The following PTPRG variants were observed in gnomAD, a reference collection of about 807,000 sequenced individuals.
The protein encoded by PTPRG is protein tyrosine phosphatase receptor type G.
PTPRG carries 102 observed loss-of-function variants against 165.3 expected under a neutral mutation model. The observed-to-expected ratio is 0.62, with a 90% confidence interval of 0.53 to 0.73. PTPRG has a LOEUF of 0.73. Among genes scored for constraint, PTPRG ranks in the 30% least tolerant of loss-of-function variants. The probability of loss-of-function intolerance (pLI) is 0.00; values close to 1 mark genes in which losing one functional copy is unlikely to be tolerated. For missense variants in PTPRG, 1,866 were observed against 1,861.4 expected (o/e 1.00, Z -0.05); for synonymous variants, 675 against 669.5 (o/e 1.01, Z -0.13).
chr3:61,823,956 C>G (rs1428419246), intron 2 of PTPRG, among the ~76,000 whole-genome samples: 1 of 152,110 alleles, frequency 6.6e-6, no homozygotes, highest in Non-Finnish European at 1.5e-5. Context: ...GAAACCCCGT[C>G]TCTACTAAAT....
chr3:62,172,146 T>C (rs1267911655), intron 8 of PTPRG, among the ~76,000 whole-genome samples: 1 of 152,230 alleles, frequency 6.6e-6, no homozygotes, highest in African/African-American at 2.4e-5. Context: ...TATCCATTTA[T>C]CAGTTAATGG....
intron 2 of PTPRG, among the ~76,000 whole-genome samples, chr3:61,916,770 A>G (rs1356290954): frequency 1.3e-5 from 2 of 152,230 alleles, no homozygotes; most frequent in African/African-American, 4.8e-5. Context: ...AAATGAAGAC[A>G]CTGAGGTATA....
chr3:61,974,234 T>TA (rs998258492), intron 2 of PTPRG, among the ~76,000 whole-genome samples: 2 of 152,126 alleles, frequency 1.3e-5, no homozygotes, highest in Non-Finnish European at 2.9e-5. Flanking sequence ...CATGGAACTT[T>TA]TTTTGTACCA....
intron 5 of PTPRG, among the ~76,000 whole-genome samples, chr3:62,086,151 T>C (rs1201706041): frequency 1.3e-5 from 2 of 152,210 alleles, no homozygotes; most frequent in African/African-American, 2.4e-5. Context: ...AACACCACTA[T>C]TAAAGTATAA....
chr3:62,224,083 G>A lies in PTPRG; in HGVS notation c.2288+5100G>A, dbSNP rs1700709282. Among the ~76,000 whole-genome samples the A allele has an allele frequency of 6.6e-6, 1 of 152,146 alleles. No individual in the cohort carries two copies. On this transcript the variant is annotated intron_variant, in intron 13 of 29. Coordinates refer to ENST00000474889, the MANE Select transcript of PTPRG (RefSeq NM_002841.4). The surrounding 1 kb of genome is among the most constrained non-coding windows in gnomAD (Gnocchi z 4.9). ...GGTGACTATAATGTTAATGAAATTG[G>A]TTTGGGTGATGCTCCTAATAGGCCT...
Position 62,035,884 on chromosome 3 carries a change from G to C in PTPRG, c.519+32387G>C, listed in dbSNP as rs541962653. The stretch of plus-strand genomic sequence containing the variant: ...AATACCTAAGCCTTACATGGTTGTA[G>C]GCCTATGTCCAGCAATTGGTGGGAG... On this transcript the variant is annotated intron_variant, in intron 4 of 29. Transcript: ENST00000474889. Among the ~76,000 whole-genome samples the C allele has an allele frequency of 8.1e-4, 123 of 152,242 alleles. 1 individual carries two copies. Among genetic ancestry groups the C allele is most frequent in the African/African-American group, 2.9e-3 (119 of 41,532 alleles).
chr3:61,648,072 T>C (rs1702252919), intron 1 of PTPRG, among the ~76,000 whole-genome samples: 1 of 152,192 alleles, frequency 6.6e-6, no homozygotes. Context: ...TCATGATAAG[T>C]GGAGGCTTCA....
chr3:62,146,037 G>C (rs138070598), intron 6 of PTPRG, among the ~76,000 whole-genome samples: 3 of 152,278 alleles, frequency 2.0e-5, no homozygotes, highest in East Asian at 1.9e-4. Context: ...TGTACACGTC[G>C]TGTCAGTTAT....
rs183537848 is a variant in PTPRG, at chr3:62,275,122, A to C, written c.3466-751A>C. ...TCCATTAGGATGGATGCCAGCCCCC[A>C]AAAAATAGGATTGACAAAATGGTTC... On this transcript the variant is annotated intron_variant, in intron 23 of 29. Coordinates refer to ENST00000474889, the MANE Select transcript of PTPRG (RefSeq NM_002841.4). 5.3e-3 allele frequency among the ~76,000 whole-genome samples: 801 copies of C among 152,242 alleles called. 5 individuals carry two copies. Among genetic ancestry groups the C allele is most frequent in the Middle Eastern group, 0.01 (3 of 294 alleles).
chr3:62,050,190 C>G (rs1438966730), intron 4 of PTPRG, among the ~76,000 whole-genome samples: 1 of 152,172 alleles, frequency 6.6e-6, no homozygotes, highest in Non-Finnish European at 1.5e-5. Context: ...CAGTTACACA[C>G]CACATAACAA....
intron 2 of PTPRG, among the ~76,000 whole-genome samples, chr3:61,867,365 G>T (rs772289365): frequency 2.6e-5 from 4 of 152,096 alleles, no homozygotes; most frequent in Non-Finnish European, 5.9e-5. Flanking sequence ...GGAGGTACCC[G>T]CTGGGTAACT....
At chr3:62,116,135 C>G (rs962642424) in intron 5 of PTPRG, among the ~76,000 whole-genome samples, 5 of 152,112 alleles carry the variant, frequency 3.3e-5, no homozygotes, top group African/African-American at 1.2e-4. Flanking sequence ...ACCAGCTAAC[C>G]AGAGCCCAGA....
intron 4 of PTPRG, among the ~76,000 whole-genome samples, chr3:62,034,741 G>A (rs116596747): frequency 0.014 from 2,167 of 152,204 alleles, 43 homozygotes; most frequent in African/African-American, 0.05. Context: ...TGCTGGCAGC[G>A]GACAAGGATG....
chr3:61,968,503 A>C (rs923507622), intron 2 of PTPRG, among the ~76,000 whole-genome samples: 38 of 152,270 alleles, frequency 2.5e-4, no homozygotes, highest in African/African-American at 7.7e-4. Context: ...AAAATTGATA[A>C]AGTTTTAATA....
Position 62,210,050 on chromosome 3 carries a change from A to G in PTPRG, c.2155+6100A>G, listed in dbSNP as rs1422521093. Among the ~76,000 whole-genome samples, 2 of 152,212 alleles carry G rather than the reference A, an allele frequency of 1.3e-5. No homozygotes were observed. The highest frequency in any genetic ancestry group is 4.8e-5 in the African/African-American group (2 of 41,456). On this transcript the variant is annotated intron_variant, in intron 12 of 29. Coordinates refer to ENST00000474889, the MANE Select transcript of PTPRG (RefSeq NM_002841.4). The surrounding 1 kb of genome is among the most constrained non-coding windows in gnomAD (Gnocchi z 4.1). ...TTGGAATTAAATTAGGATTTATCAA[A>G]TGCCTCCCCACTTTCCCACCACCTA... is the stretch of plus-strand genomic sequence containing the variant.
intron 4 of PTPRG, among the ~76,000 whole-genome samples, chr3:62,012,891 AGAGCT>A (rs1182066780): frequency 3.3e-5 from 5 of 152,224 alleles, no homozygotes; most frequent in Non-Finnish European, 7.3e-5. Flanking sequence ...ACTTATGCCT[AGAGCT>A]ATCTGTGCAA....
Position 61,690,814 on chromosome 3 carries a change from T to C in PTPRG, c.86-58064T>C, listed in dbSNP as rs72878410. ...GTGTCAGGCTTTTGCTAGAGAGTGATTTTTTTTTTTCAAGGAAATTAATAG... is the reference window on the plus strand; with the variant it reads ...GTGTCAGGCTTTTGCTAGAGAGTGACTTTTTTTTTTCAAGGAAATTAATAG... On this transcript the variant is annotated intron_variant, in intron 1 of 29. Coordinates refer to ENST00000474889, the MANE Select transcript of PTPRG (RefSeq NM_002841.4). Among the ~76,000 whole-genome samples the C allele has an allele frequency of 1.9e-3, 284 of 146,120 alleles. 2 individuals are homozygous for C. The highest frequency in any genetic ancestry group is 6.8e-3 in the African/African-American group (274 of 40,004).
At chr3:61,962,826 G>A (rs552067342) in intron 2 of PTPRG, among the ~76,000 whole-genome samples, 31 of 152,172 alleles carry the variant, frequency 2.0e-4, no homozygotes, top group Middle Eastern at 3.4e-3. Flanking sequence ...CTCATATTCC[G>A]CTTTGGAGAA....
At chr3:61,727,807 C>A (rs546717027) in intron 1 of PTPRG, among the ~76,000 whole-genome samples, 1 of 152,190 alleles carries the variant, frequency 6.6e-6, no homozygotes, top group Non-Finnish European at 1.5e-5. Context: ...TTGTTAAATT[C>A]TTCACCTACC....
Sources: gnomAD v4.1 joint callset for allele counts (sites outside exome capture counted in the v4.1 genomes callset) on GRCh38, gnomAD v4.1.1 for gene constraint, Gnocchi (gnomAD v3.1) non-coding constraint, MANE v1.5 for transcripts, NCBI Gene and HGNC (gene_info 2026-07-23, HGNC 2026-07-21) for gene names.